PNCK: variants seen among roughly 807,000 people sequenced by gnomAD.
PNCK encodes pregnancy up-regulated nonubiquitous CaM kinase.
PNCK carries 21 observed loss-of-function variants against 28.3 expected under a neutral mutation model. The ratio of observed to expected loss-of-function variants is 0.74; its 90% CI spans 0.53 to 1.07. PNCK has a LOEUF of 1.07. Ranked by LOEUF, PNCK falls within the 50% of genes least tolerant of loss-of-function variation. The pLI is 0.00. For missense variants in PNCK, 250 were observed against 298.3 expected, an observed-to-expected ratio of 0.84 and a Z score of 1.19; for synonymous variants, 136 against 125.2, an observed-to-expected ratio of 1.09 and a Z score of -0.58.
chrX:153,677,762 ATAGTG>A, upstream of PNCK, among the ~76,000 whole-genome samples: 1 of 104,560 alleles, frequency 9.6e-6, no homozygotes, highest in East Asian at 3.0e-4. Context: ...GTGTGTATAT[ATAGTG>A]TGTATATATA....
At chrX:153,673,262 C>A in intron 1 of PNCK, 184 bp from the exon 2 acceptor site, 1 of 1,199,694 alleles carries the variant, frequency 8.3e-7, no homozygotes, top group South Asian at 1.8e-5. Flanking sequence ...CGCATACACG[C>A]CTCCACATCC....
rs782711198 is a variant in PNCK at position 153,670,482 on chromosome X, C to T, written c.1007G>A (p.Arg336His). Reference sequence around the variant, plus strand: ...TCACCACTTGGGGGGCTGGCCAGCACGGAGGCCTGAGTGGCTGTGGCGGGC... The same window carrying T: ...TCACCACTTGGGGGGCTGGCCAGCATGGAGGCCTGAGTGGCTGTGGCGGGC... ...GMARHSHSGL[R>H]AGQPPKW Residue 336 changes from arginine (R) to histidine (H), a missense_variant, in exon 11 of 12, where the codon CGT (arginine) becomes CAT (histidine). Coordinates refer to ENST00000340888, the MANE Select transcript of PNCK (RefSeq NM_001366977.1). 1.6e-5 allele frequency: 19 copies of T among 1,210,504 alleles called. No individual in the cohort carries two copies. Among genetic ancestry groups the T allele is most frequent in the Non-Finnish European group, 6.7e-6 (6 of 895,302 alleles).
chrX:153,673,642 C>G, intron 1 of PNCK, 138 bp downstream of exon 1: 1 of 332,214 alleles, frequency 3.0e-6, no homozygotes. Context: ...TCCCGAGCTG[C>G]GTGGACCGAG....
At chrX:153,687,133 T>TG (rs1163463934) in intron 1 of PNCK, 2 of 130,964 alleles carry the variant, frequency 1.5e-5, no homozygotes, top group Non-Finnish European at 1.4e-5. Flanking sequence ...TAGGGAGGCC[T>TG]GGGGGGTCCT....
intron 1 of PNCK, chrX:153,686,927 A>T (rs1355929146): frequency 8.8e-6 from 1 of 113,391 alleles, no homozygotes; most frequent in Non-Finnish European, 1.9e-5. Context: ...GCTTAACGGG[A>T]TGAGCCATCT....
At chrX:153,677,586 G>GTATA (rs781789549), upstream of PNCK, among the ~76,000 whole-genome samples, 8 of 98,383 alleles carry the variant, frequency 8.1e-5, no homozygotes, top group African/African-American at 2.7e-4. Context: ...TATATATAGT[G>GTATA]TATATATATA....
intron 1 of PNCK, among the ~76,000 whole-genome samples, chrX:153,685,123 C>A (rs960974734): frequency 1.2e-4 from 13 of 106,684 alleles, no homozygotes; most frequent in African/African-American, 4.5e-4. Flanking sequence ...GCAAGACAGG[C>A]GGAGGCTTGG....
chrX:153,674,324 A>C, upstream of PNCK: 14 of 791,811 alleles, frequency 1.8e-5, no homozygotes, highest in Non-Finnish European at 2.4e-5. Context: ...TATTGAGATC[A>C]TGTCACCCTC....
intron 1 of PNCK, chrX:153,673,426 C>T: frequency 1.6e-6 from 1 of 625,676 alleles, no homozygotes; most frequent in South Asian, 3.5e-5. Flanking sequence ...ATCTACAGCG[C>T]CCAAGCCCCC....
At chrX:153,682,246 C>T (rs1287252957) in intron 1 of PNCK, among the ~76,000 whole-genome samples, 4 of 110,341 alleles carry the variant, frequency 3.6e-5, no homozygotes, top group African/African-American at 1.3e-4. Context: ...GCCTCGGCCT[C>T]ACAAAGTGCT....
At chrX:153,677,797 GTA>G (rs1557041945), upstream of PNCK, among the ~76,000 whole-genome samples, 1 of 104,444 alleles carries the variant, frequency 9.6e-6, no homozygotes, top group African/African-American at 3.5e-5. Flanking sequence ...TATAGTGTGT[GTA>G]TATATAGTGT....
At chrX:153,684,628 C>T (rs1393059627) in intron 1 of PNCK, among the ~76,000 whole-genome samples, 3 of 111,185 alleles carry the variant, frequency 2.7e-5, no homozygotes, top group South Asian at 3.8e-4. Context: ...GTGCCCGGCT[C>T]GCCTTCAGAA....
intron 3 of PNCK, 111 bp downstream of exon 3, chrX:153,672,455 C>T (rs190423842): frequency 5.8e-6 from 6 of 1,042,813 alleles, no homozygotes; most frequent in Non-Finnish European, 5.1e-6. Context: ...CCAGAGAGAG[C>T]ACTGCCCCAG....
upstream of PNCK, among the ~76,000 whole-genome samples, chrX:153,676,493 G>A (rs1425584528): frequency 2.7e-5 from 3 of 112,000 alleles, no homozygotes; most frequent in Non-Finnish European, 3.8e-5. Context: ...TCCCTCCTTT[G>A]TTTGGTGTAC....
upstream of PNCK, among the ~76,000 whole-genome samples, chrX:153,679,708 A>C (rs1025475206): frequency 1.2e-4 from 13 of 106,144 alleles, no homozygotes; most frequent in Non-Finnish European, 1.5e-4. Context: ...AGTAGCTGGG[A>C]TTACAGGCAC....
At chrX:153,681,391 C>T (rs1175918962) in intron 1 of PNCK, among the ~76,000 whole-genome samples, 2 of 111,753 alleles carry the variant, frequency 1.8e-5, no homozygotes, top group Non-Finnish European at 3.8e-5. Context: ...CCCAGCCGGT[C>T]GTTCCAGGTC....
intron 10 of PNCK, 52 bp from the exon 11 acceptor site, chrX:153,670,646 T>C: frequency 8.4e-7 from 1 of 1,196,518 alleles, no homozygotes; most frequent in Non-Finnish European, 1.1e-6. Context: ...CCCCAGCCCC[T>C]AGACTGTGAG....
intron 2 of PNCK, 30 bp downstream of exon 2, chrX:153,672,979 A>G (rs782060671): frequency 8.7e-7 from 1 of 1,145,258 alleles, no homozygotes. Flanking sequence ...ACACACACAC[A>G]CACGATCACA....
At chrX:153,678,120 C>A (rs782496281), upstream of PNCK, among the ~76,000 whole-genome samples, 2 of 109,715 alleles carry the variant, frequency 1.8e-5, no homozygotes, top group African/African-American at 6.6e-5. Flanking sequence ...GTCATTCTAG[C>A]TGCCTGCCCT....
Sources: allele counts gnomAD v4.1 joint callset (sites outside exome capture counted in the v4.1 genomes callset), GRCh38; gene constraint gnomAD v4.1.1; transcripts MANE v1.5; gene names NCBI Gene and HGNC (gene_info 2026-07-23, HGNC 2026-07-21).